KAZN: variants seen among roughly 807,000 people sequenced by gnomAD.
KAZN encodes kazrin, periplakin interacting protein, also known as kazrin.
A neutral mutation model predicts 87.4 loss-of-function variants in KAZN; 40 were observed. The ratio of observed to expected loss-of-function variants is 0.46; its 90% confidence interval spans 0.36 to 0.60. The LOEUF is 0.60. Among genes scored for constraint, KAZN ranks in the 20% least tolerant of loss-of-function variants. The pLI, the probability that KAZN is intolerant of heterozygous loss-of-function variation, is 0.00. For missense variants in KAZN, 898 were observed against 1,073.9 expected (o/e 0.84, Z 2.29); for synonymous variants, 466 against 458.3 (o/e 1.02, Z -0.22).
At chr1:14,545,529 A>G (rs79483781) in intron 2 of KAZN, among the ~76,000 whole-genome samples, 2,875 of 152,282 alleles carry the variant, frequency 0.019, 36 homozygotes, top group Non-Finnish European at 0.029. Flanking sequence ...CAAGATTGTC[A>G]TAAGGTCCTC....
At chr1:14,979,667 G>A (rs1413320185) in intron 2 of KAZN, among the ~76,000 whole-genome samples, 9 of 151,980 alleles carry the variant, frequency 5.9e-5, no homozygotes. Context: ...TCAGGGGAAG[G>A]GGCCCTGAGG....
intron 2 of KAZN, among the ~76,000 whole-genome samples, chr1:14,347,874 TTTTC>T (rs146819222): frequency 0.038 from 5,740 of 151,582 alleles, 298 homozygotes; most frequent in East Asian, 0.19. Flanking sequence ...TTTTTTTCTT[TTTTC>T]TTTTTCTTTT....
intron 1 of KAZN, among the ~76,000 whole-genome samples, chr1:13,916,105 T>C (rs1358627320): frequency 6.6e-6 from 1 of 152,168 alleles, no homozygotes; most frequent in African/African-American, 2.4e-5. Context: ...CTTTGGTGCT[T>C]GCATCCTGCA....
At chr1:14,259,379 C>T (rs749661947) in intron 2 of KAZN, among the ~76,000 whole-genome samples, 3 of 152,082 alleles carry the variant, frequency 2.0e-5, no homozygotes, top group Non-Finnish European at 4.4e-5. Flanking sequence ...CCTGCTGTGC[C>T]GAGCTGGGAC....
chr1:14,225,898 G>A (rs1412714271), intron 2 of KAZN, among the ~76,000 whole-genome samples: 1 of 151,988 alleles, frequency 6.6e-6, no homozygotes, highest in African/African-American at 2.4e-5. Context: ...ACCTAAAACT[G>A]TAAAAACCCT....
At chr1:14,303,716 ACT>A (rs1343196613) in intron 2 of KAZN, among the ~76,000 whole-genome samples, 1 of 151,936 alleles carries the variant, frequency 6.6e-6, no homozygotes, top group South Asian at 2.1e-4. Flanking sequence ...GCCTATCCAA[ACT>A]CTGTCCATCC....
At chr1:13,982,096 C>T (rs1481190916) in intron 1 of KAZN, among the ~76,000 whole-genome samples, 1 of 152,130 alleles carries the variant, frequency 6.6e-6, no homozygotes, top group Non-Finnish European at 1.5e-5. Flanking sequence ...TGTTATTGGG[C>T]AAAGGTCCAG....
At chr1:14,234,560 AATAAT>A (rs1392799821) in intron 2 of KAZN, among the ~76,000 whole-genome samples, 1 of 152,180 alleles carries the variant, frequency 6.6e-6, no homozygotes, top group Non-Finnish European at 1.5e-5. Context: ...TAATAATAAT[AATAAT>A]AAAAGCACAC....
chr1:15,087,790 T>G (rs990418460), intron 8 of KAZN, among the ~76,000 whole-genome samples: 13 of 152,228 alleles, frequency 8.5e-5, no homozygotes, highest in Non-Finnish European at 1.5e-4. Context: ...GTAAGTGACA[T>G]GGGCCCGCAG....
intron 1 of KAZN, among the ~76,000 whole-genome samples, chr1:14,829,714 G>A (rs899581350): frequency 1.3e-5 from 2 of 152,240 alleles, no homozygotes; most frequent in African/African-American, 4.8e-5. Context: ...GTGTGTGAAG[G>A]TCTTGATTGT....
chr1:14,615,204 T>C (rs1254312807), intron 1 of KAZN, among the ~76,000 whole-genome samples: 1 of 152,156 alleles, frequency 6.6e-6, no homozygotes, highest in Non-Finnish European at 1.5e-5. Context: ...GCGCCCAGGA[T>C]ACCCGGACAA....
intron 2 of KAZN, among the ~76,000 whole-genome samples, chr1:14,308,664 C>T (rs1571271806): frequency 6.6e-6 from 1 of 152,210 alleles, no homozygotes; most frequent in East Asian, 1.9e-4. Context: ...CCCAACCTCT[C>T]TGTGCCTGTT....
intron 2 of KAZN, among the ~76,000 whole-genome samples, chr1:14,391,047 G>A (rs1411231342): frequency 1.3e-5 from 2 of 152,198 alleles, no homozygotes; most frequent in African/African-American, 4.8e-5. Flanking sequence ...ACTGGCTTGG[G>A]TGTTAACAGA....
intron 14 of KAZN, chr1:15,113,284 T>A (rs1641718058): frequency 1.3e-5 from 2 of 150,280 alleles, no homozygotes; most frequent in African/African-American, 4.9e-5. Flanking sequence ...TGGTGGGGGG[T>A]GGGGGCGGTG....
intron 1 of KAZN, among the ~76,000 whole-genome samples, chr1:14,742,292 A>G (rs1335327683): frequency 1.3e-5 from 2 of 152,216 alleles, no homozygotes; most frequent in Admixed American, 1.3e-4. Flanking sequence ...GCTAGATTGC[A>G]GGCTTTGTGA....
At chr1:14,965,511 C>A (rs1448824943) in intron 2 of KAZN, among the ~76,000 whole-genome samples, 1 of 152,222 alleles carries the variant, frequency 6.6e-6, no homozygotes, top group African/African-American at 2.4e-5. Context: ...TTTTAAATCT[C>A]TTAACAGCAT....
At chr1:14,416,081 T>C (rs1273122926) in intron 2 of KAZN, among the ~76,000 whole-genome samples, 1 of 152,198 alleles carries the variant, frequency 6.6e-6, no homozygotes, top group Non-Finnish European at 1.5e-5. Context: ...GCTCTCCTGC[T>C]TCATGAACTT....
intron 1 of KAZN, among the ~76,000 whole-genome samples, chr1:14,816,241 T>A (rs544082757): frequency 2.6e-5 from 4 of 152,090 alleles, no homozygotes; most frequent in Non-Finnish European, 4.4e-5. Flanking sequence ...GCAATATACA[T>A]TTATTATTTC....
At chr1:14,027,381 A>C (rs1641124842) in intron 1 of KAZN, among the ~76,000 whole-genome samples, 1 of 152,138 alleles carries the variant, frequency 6.6e-6, no homozygotes, top group Non-Finnish European at 1.5e-5. Context: ...TAGCTCCCTA[A>C]ACCCCATGCC....
Sources: gnomAD v4.1 joint callset for allele counts (sites outside exome capture counted in the v4.1 genomes callset) on GRCh38, gnomAD v4.1.1 for gene constraint, MANE v1.5 for transcripts, NCBI Gene and HGNC (gene_info 2026-07-23, HGNC 2026-07-21) for gene names.